PCDHGA1: variants seen among roughly 807,000 people sequenced by gnomAD.
PCDHGA1 encodes protocadherin gamma-A1.
PCDHGA1 carries 32 observed loss-of-function variants against 58.0 expected under a neutral mutation model. The observed-to-expected ratio is 0.55, with a 90% CI of 0.42 to 0.74. PCDHGA1 has a LOEUF of 0.74. PCDHGA1 is among the 30% of genes least tolerant of loss of function. The probability of loss-of-function intolerance (pLI) is 0.00; values close to 1 mark genes in which losing one functional copy is unlikely to be tolerated. For synonymous variants in PCDHGA1, 498 were observed against 501.1 expected (o/e 0.99, Z 0.08); for missense variants, 1,205 against 1,182.3 (o/e 1.02, Z -0.28).
chr5:141,403,161 G>A (rs1435695987), intron 1 of PCDHGA1: 12 of 1,614,026 alleles, frequency 7.4e-6, no homozygotes, highest in Non-Finnish European at 1.0e-5. Context: ...GTCTCTAGAG[G>A]TAGGACGCAG....
chr5:141,433,222 A>G, intron 1 of PCDHGA1: 6 of 1,519,556 alleles, frequency 3.9e-6, no homozygotes, highest in Non-Finnish European at 5.4e-6. Flanking sequence ...TTTTTTTTTA[A>G]TTGCTCTGTC....
chr5:141,443,064 G>A (rs76234738), intron 1 of PCDHGA1, among the ~76,000 whole-genome samples: 48 of 152,264 alleles, frequency 3.2e-4, no homozygotes, highest in African/African-American at 1.1e-3. Context: ...ACTGAAGAGC[G>A]TCTTATGACT....
At chr5:141,475,571 G>A (rs1426547386) in intron 1 of PCDHGA1, among the ~76,000 whole-genome samples, 1 of 152,212 alleles carries the variant, frequency 6.6e-6, no homozygotes, top group East Asian at 1.9e-4. Context: ...CTTCCAACAA[G>A]CCAGATTTGT....
intron 1 of PCDHGA1, chr5:141,364,083 A>T: frequency 2.6e-6 from 1 of 382,740 alleles, no homozygotes; most frequent in Non-Finnish European, 4.6e-6. Context: ...GAGAAATAAA[A>T]ATGGAATTTG....
rs141034739 is a variant in PCDHGA1 at position 141,491,100 on chromosome 5, C to T, written c.2422-3707C>T. The T allele has an allele frequency of 2.7e-4, 430 of 1,614,138 alleles. No homozygotes were observed. The African/African-American group carries it at 4.7e-3, about 18-fold the overall frequency. ...AGTCCACAGCCCCAGGACTGTTCCT[C>T]GTGTCTACACACACTGGTGAGGTGC... On this transcript the variant is annotated intron_variant, in intron 1 of 3. Transcript: ENST00000517417. The surrounding 1 kb of genome is among the most constrained non-coding windows in gnomAD (Gnocchi z 6.9).
intron 1 of PCDHGA1, chr5:141,365,394 C>G (rs1245270195): frequency 6.2e-7 from 1 of 1,613,942 alleles, no homozygotes; most frequent in Admixed American, 1.7e-5. Context: ...CTGACCAGTT[C>G]GATCTCTGAA....
chr5:141,490,990 C>A lies in PCDHGA1; in HGVS notation c.2422-3817C>A, dbSNP rs1230384508. On this transcript the variant is annotated intron_variant, in intron 1 of 3. Transcript: ENST00000517417. The surrounding 1 kb of genome is among the most constrained non-coding windows in gnomAD (Gnocchi z 5.4). ...CCCCCAGCGTCTCCCTCGCTCTGCTCCTCCTGGCTCCTTGGTCACCAAGGT... is the reference window on the plus strand; with the variant it reads ...CCCCCAGCGTCTCCCTCGCTCTGCTACTCCTGGCTCCTTGGTCACCAAGGT... The A allele has an allele frequency of 6.2e-7, 1 of 1,614,102 alleles. No homozygotes were observed. The highest frequency in any genetic ancestry group is 8.5e-7 in the Non-Finnish European group (1 of 1,180,022).
intron 1 of PCDHGA1, chr5:141,357,782 G>A: frequency 1.2e-6 from 1 of 860,438 alleles, no homozygotes; most frequent in Non-Finnish European, 1.7e-6. Context: ...ATGATCAACA[G>A]TATTTACCAC....
At position 141,332,353 on chromosome 5, in the gene PCDHGA1, G is replaced by C. The variant is rs1303422387; in HGVS notation, c.1669G>C (p.Asp557His). Reference sequence around the variant, plus strand: ...CAGCCTATTCCTGCTGGACCAGAACGACAACGCGCCCGAGATCCTGTACCC... The same window carrying C: ...CAGCCTATTCCTGCTGGACCAGAACCACAACGCGCCCGAGATCCTGTACCC... ...SLSLFLLDQNDNAPEILYPAL... is the reference protein window; with the variant it reads ...SLSLFLLDQNHNAPEILYPAL... The change falls in exon 1 of 4, where the codon GAC becomes CAC. Residue 557 changes from aspartate (D) to histidine (H), a missense_variant. Transcript: ENST00000517417. This position sits in a 1 kb window ranked among gnomAD's most constrained non-coding sequence, Gnocchi z 4.6. 4 of 1,614,150 alleles carry C rather than the reference G, an allele frequency of 2.5e-6. No homozygotes were observed. The highest frequency in any genetic ancestry group is 1.7e-6 in the Non-Finnish European group (2 of 1,180,014).
chr5:141,485,935 C>A lies in PCDHGA1; in HGVS notation c.2422-8872C>A. The stretch of plus-strand genomic sequence containing the variant: ...GCTACAGGATTAGTGTGTTGGAGAG[C>A]GCACCAGCGGGCATGGTGCTCATCC... On this transcript the variant is annotated intron_variant, in intron 1 of 3. Coordinates refer to ENST00000517417, the MANE Select transcript of PCDHGA1 (RefSeq NM_018912.3). This position sits in a 1 kb window ranked among gnomAD's most constrained non-coding sequence, Gnocchi z 5.7. The A allele has an allele frequency of 3.1e-6, 5 of 1,614,144 alleles. No homozygotes were observed. Among genetic ancestry groups the A allele is most frequent in the Non-Finnish European group, 3.4e-6 (4 of 1,180,030 alleles).
rs1213674996 is a variant in PCDHGA1 at position 141,332,224 on chromosome 5, C to G, written c.1540C>G (p.Leu514Val). The G allele has an allele frequency of 6.2e-7, 1 of 1,614,230 alleles. No homozygotes were observed. Among genetic ancestry groups the G allele is most frequent in the Non-Finnish European group, 8.5e-7 (1 of 1,180,040 alleles). The change falls in exon 1 of 4, where the codon CTG (leucine) becomes GTG (valine). Residue 514 changes from leucine to valine, a missense_variant. Physicochemically the swap from Leu to Val is conservative, Grantham distance 32. Transcript: ENST00000517417. This position sits in a 1 kb window ranked among gnomAD's most constrained non-coding sequence, Gnocchi z 4.6. Reference protein sequence around the residue: ...YLSINSDTGVLYALRSFDYEQ... With the variant: ...YLSINSDTGVVYALRSFDYEQ... ...CTCCATCAACTCCGACACTGGGGTCCTGTATGCGCTGCGATCCTTCGACTA... is the reference window on the plus strand; with the variant it reads ...CTCCATCAACTCCGACACTGGGGTCGTGTATGCGCTGCGATCCTTCGACTA...
intron 1 of PCDHGA1, chr5:141,419,732 G>A (rs2096422854): frequency 6.2e-7 from 1 of 1,613,792 alleles, no homozygotes; most frequent in Non-Finnish European, 8.5e-7. Flanking sequence ...GCGAACAGGC[G>A]AGGTGCGCAT....
At chr5:141,395,542 TTGTGTGTGTGTGTGTGTGTGTG>T (rs55729045) in intron 1 of PCDHGA1, 19 of 172,620 alleles carry the variant, frequency 1.1e-4, no homozygotes, top group Admixed American at 1.0e-3. Context: ...TTGCTATTGT[TTGTGTGTGTGTGTGTGTGTGTG>T]TGTGTGTGTG....
intron 1 of PCDHGA1, chr5:141,341,181 G>C (rs1757029559): frequency 6.2e-7 from 1 of 1,614,104 alleles, no homozygotes; most frequent in African/African-American, 1.3e-5. Flanking sequence ...GGCATGCAGA[G>C]CTCGCACTTT....
chr5:141,416,096 T>C (rs2095991930), intron 1 of PCDHGA1: 1 of 161,152 alleles, frequency 6.2e-6, no homozygotes, highest in South Asian at 2.0e-4. Flanking sequence ...AGAAGGGCAA[T>C]AGGCCTTTTT....
intron 1 of PCDHGA1, chr5:141,418,417 T>G: frequency 6.2e-7 from 1 of 1,614,002 alleles, no homozygotes; most frequent in Non-Finnish European, 8.5e-7. Flanking sequence ...AAGACAATCC[T>G]GATGGTGGCA....
At chr5:141,342,229 GC>G (rs1377503678) in intron 1 of PCDHGA1, 1 of 151,854 alleles carries the variant, frequency 6.6e-6, no homozygotes, top group Non-Finnish European at 1.5e-5. Context: ...TCATACAATT[GC>G]CCAGAACCAA....
Position 141,476,267 on chromosome 5 carries a change from G to A in PCDHGA1, c.2422-18540G>A, listed in dbSNP as rs373758158. The A allele has an allele frequency of 6.8e-6, 11 of 1,613,938 alleles. No homozygotes were observed. Among genetic ancestry groups the A allele is most frequent in the African/African-American group, 1.3e-5 (1 of 74,884 alleles). On this transcript the variant is annotated intron_variant, in intron 1 of 3. Transcript: ENST00000517417. The surrounding 1 kb of genome is among the most constrained non-coding windows in gnomAD (Gnocchi z 7.6). ...GAAGGGTTTCGCTGTGGGCAACGTG[G>A]TCGCGAACCTTGGTTTGGATCTCGG...
rs756833632 is a variant in PCDHGA1, at chr5:141,393,904, CA to C, written c.2421+60800del. Reference sequence around the variant, plus strand: ...GTGTTAGAAAATTCTCTTCCCGGGACAGTAATTGCCTTCTTGAGTGTGCATG... The same window carrying C: ...GTGTTAGAAAATTCTCTTCCCGGGACGTAATTGCCTTCTTGAGTGTGCATG... On this transcript the variant is annotated intron_variant, in intron 1 of 3. Transcript: ENST00000517417. The C allele has an allele frequency of 1.9e-6, 3 of 1,613,918 alleles. No individual in the cohort carries two copies. In the East Asian group the frequency reaches 6.7e-5, roughly 36 times the overall value.
Sources: gnomAD v4.1 joint callset for allele counts (sites outside exome capture counted in the v4.1 genomes callset) on GRCh38, gnomAD v4.1.1 for gene constraint, Gnocchi (gnomAD v3.1) non-coding constraint, MANE v1.5 for transcripts, NCBI Gene and HGNC (gene_info 2026-07-23, HGNC 2026-07-21) for gene names.